Variants in GSK3A observed in about 807,000 individuals in gnomAD.
GSK3A encodes the protein glycogen synthase kinase-3 alpha.
GSK3A carries 14 observed loss-of-function variants against 56.6 expected under a neutral mutation model. The observed-to-expected ratio is 0.25, with a 90% confidence interval of 0.16 to 0.39. The LOEUF is 0.39. GSK3A is among the 10% of genes least tolerant of loss of function. GSK3A has a pLI of 1.00. For missense variants in GSK3A, 450 were observed against 656.0 expected (o/e 0.69, Z 3.43); for synonymous variants, 301 against 285.0 (o/e 1.06, Z -0.56).
intron 10 of GSK3A, 144 bp from the exon 11 acceptor site, chr19:42,231,011 G>A (rs552597024): frequency 2.9e-6 from 2 of 680,616 alleles, no homozygotes; most frequent in Admixed American, 2.1e-5. Context: ...GCAAACTCAA[G>A]TGCTAAAGGG....
chr19:42,240,258 T>G (rs1486297063), intron 1 of GSK3A, 116 bp from the exon 2 acceptor site: 1 of 884,332 alleles, frequency 1.1e-6, no homozygotes, highest in East Asian at 2.4e-5. Context: ...GACCTCTTTG[T>G]CCCCTCCTCC....
intron 1 of GSK3A, 38 bp from the exon 2 acceptor site, chr19:42,240,180 C>A: frequency 1.3e-6 from 2 of 1,570,162 alleles, no homozygotes; most frequent in East Asian, 2.2e-5. Context: ...ACTGACCCAT[C>A]CTGCCTGCGC....
chr19:42,235,528 A>G (rs576439892), intron 4 of GSK3A, among the ~76,000 whole-genome samples: 15 of 152,324 alleles, frequency 9.8e-5, no homozygotes, highest in South Asian at 4.1e-4. Context: ...CCAGGTCCTG[A>G]CATGGCTGCT....
chr19:42,236,520 C>T (rs923877162), intron 4 of GSK3A, 86 bp downstream of exon 4: 6 of 837,042 alleles, frequency 7.2e-6, no homozygotes, highest in East Asian at 2.4e-5. Flanking sequence ...ATAAACTTGG[C>T]GGATGAGGGA....
At chr19:42,235,362 TG>T (rs1408412330) in intron 4 of GSK3A, among the ~76,000 whole-genome samples, 1 of 152,116 alleles carries the variant, frequency 6.6e-6, no homozygotes, top group Non-Finnish European at 1.5e-5. Context: ...CCAAAACCAC[TG>T]GCTCCTTAAT....
intron 2 of GSK3A, among the ~76,000 whole-genome samples, chr19:42,237,194 C>G (rs572197568): frequency 1.3e-5 from 2 of 149,142 alleles, no homozygotes; most frequent in South Asian, 4.2e-4. Context: ...GAGTCTTGCT[C>G]TGTTGCCAGG....
At chr19:42,236,805 G>A in intron 3 of GSK3A, 53 bp downstream of exon 3, 1 of 1,503,284 alleles carries the variant, frequency 6.7e-7, no homozygotes, top group Non-Finnish European at 9.3e-7. Flanking sequence ...GGGAAAGGCA[G>A]GCAGGCAGGA....
chr19:42,232,018 G>A, intron 10 of GSK3A, 39 bp downstream of exon 10: 1 of 1,192,460 alleles, frequency 8.4e-7, no homozygotes, highest in Non-Finnish European at 1.2e-6. Context: ...TCTCCAGGCT[G>A]AGAGATACTT....
At position 42,240,141 on chromosome 19, in the gene GSK3A, A is replaced by T; in HGVS notation, c.285T>A (p.Arg95=). ...CGACTGTGGTCACCTTCCCGCTGTCACCTGGGGAACAAAGGGGATACACGA... is the reference window on the plus strand; with the variant it reads ...CGACTGTGGTCACCTTCCCGCTGTCTCCTGGGGAACAAAGGGGATACACGA... ...SFPPPGVKLG[R]DSGKVTTVVA... is the part of the protein sequence containing the mutation. The change falls in exon 2 of 11, where the codon CGT becomes CGA. Residue 95 remains arginine, a splice_region_variant and synonymous_variant. Transcript: ENST00000222330. 6.2e-7 allele frequency: 1 copy of T among 1,613,936 alleles called. No homozygotes were observed. The highest frequency in any genetic ancestry group is 8.5e-7 in the Non-Finnish European group (1 of 1,179,870).
chr19:42,238,185 CT>C (rs2036269747), intron 2 of GSK3A, among the ~76,000 whole-genome samples: 1 of 151,650 alleles, frequency 6.6e-6, no homozygotes, highest in South Asian at 2.1e-4. Context: ...AACCCCATCT[CT>C]ACTAAAAATA....
At chr19:42,240,326 T>C (rs957567869) in intron 1 of GSK3A, 184 bp from the exon 2 acceptor site, 8 of 619,444 alleles carry the variant, frequency 1.3e-5, no homozygotes, top group Middle Eastern at 4.2e-4. Context: ...TCTTCCTTTC[T>C]GGGAATCTTA....
intron 1 of GSK3A, chr19:42,240,449 G>C (rs2036284795): frequency 5.4e-6 from 3 of 559,388 alleles, no homozygotes; most frequent in Non-Finnish European, 9.6e-6. Context: ...GTCCATCTTG[G>C]TACTGGGAGA....
In GSK3A at chr19:42,242,471, C is replaced by T. The variant is rs1237461766; in HGVS notation, c.-6G>A. On this transcript the variant is annotated 5_prime_UTR_variant, in exon 1 of 11. Coordinates refer to ENST00000222330, the MANE Select transcript of GSK3A (RefSeq NM_019884.3). ...GAAGGCCCGCCGCCGCTCATGGCGC[C>T]GAGCACAGGCCCAGGCTGCGGGGCT... 3.3e-6 allele frequency: 4 copies of T among 1,209,126 alleles called. No individual in the cohort carries two copies. The African/African-American group carries it at 4.8e-5, about 15-fold the overall frequency. The allele number at this position is 1,209,126 out of a possible 1,614,324, so 74.9% of individuals were successfully genotyped here.
Position 42,230,693 on chromosome 19 carries a change from C to T in GSK3A, c.*101G>A. 1 of 862,528 alleles carries T rather than the reference C, an allele frequency of 1.2e-6. No homozygotes were observed. Among genetic ancestry groups the T allele is most frequent in the Non-Finnish European group, 1.9e-6 (1 of 520,072 alleles). The allele number at this position is 862,528 out of a possible 1,614,324, so 53.4% of individuals were successfully genotyped here. A position where few individuals can be genotyped will look rare whatever the true frequency, so the allele number is the denominator to read the frequency against. On this transcript the variant is annotated 3_prime_UTR_variant, in exon 11 of 11. Transcript: ENST00000222330. ...GACTCATTTACCTCTGCCCTCTAGT[C>T]TAGGGGCCCAGCCAGGGCAGGAGCT...
Position 42,232,151 on chromosome 19 carries a change from T to G in GSK3A, c.1286-2A>C. The G allele has an allele frequency of 6.4e-7, 1 of 1,570,130 alleles. No individual in the cohort carries two copies. Among genetic ancestry groups the G allele is most frequent in the Non-Finnish European group, 8.8e-7 (1 of 1,141,264 alleles). The stretch of plus-strand genomic sequence containing the variant: ...TGAGAGACGGTTGGATGGAGAGTTC[T>G]AGAAACAGGAATTGACATGCTAGTC... On this transcript the variant is annotated splice_acceptor_variant, in intron 9 of 10. Transcript: ENST00000222330. LOFTEE classifies it high-confidence loss of function.
chr19:42,231,297 T>C (rs1204526938), intron 10 of GSK3A, among the ~76,000 whole-genome samples: 1 of 152,058 alleles, frequency 6.6e-6, no homozygotes, highest in Non-Finnish European at 1.5e-5. Flanking sequence ...GAGGCAGAAG[T>C]TGGAGTGAGC....
chr19:42,238,382 TAAAAAAAA>T (rs55840950), intron 2 of GSK3A, among the ~76,000 whole-genome samples: 1 of 120,214 alleles, frequency 8.3e-6, no homozygotes, highest in Non-Finnish European at 1.8e-5. Context: ...GATTCTGTCT[TAAAAAAAA>T]AAAAAAAAAA....
intron 2 of GSK3A, among the ~76,000 whole-genome samples, chr19:42,237,425 T>C (rs1267993149): frequency 6.6e-6 from 1 of 151,536 alleles, no homozygotes; most frequent in Admixed American, 6.6e-5. Context: ...CCTGACCTCA[T>C]GATCCACAGG....
Position 42,240,116 on chromosome 19 carries a change from C to G in GSK3A, c.310G>C (p.Val104Leu). The G allele has an allele frequency of 1.2e-6, 2 of 1,614,060 alleles. No homozygotes were observed. Among genetic ancestry groups the G allele is most frequent in the South Asian group, 1.1e-5 (1 of 91,090 alleles). The change falls in exon 2 of 11, where the codon GTA (valine) becomes CTA (leucine). Residue 104 changes from valine (V) to leucine (L), a missense_variant. Val to Leu is a conservative substitution (Grantham distance 32). Transcript: ENST00000222330. ...GRDSGKVTTV[V>L]ATLGQGPERS... ...TCTGGGCCTTGGCCTAGAGTGGCTACGACTGTGGTCACCTTCCCGCTGTCA... is the reference window on the plus strand; with the variant it reads ...TCTGGGCCTTGGCCTAGAGTGGCTAGGACTGTGGTCACCTTCCCGCTGTCA...
Sources: gnomAD v4.1 joint callset for allele counts (sites outside exome capture counted in the v4.1 genomes callset) on GRCh38, gnomAD v4.1.1 for gene constraint, MANE v1.5 for transcripts, NCBI Gene and HGNC (gene_info 2026-07-23, HGNC 2026-07-21) for gene names.